PDE1A: variants seen among roughly 807,000 people sequenced by gnomAD.
The protein encoded by PDE1A is phosphodiesterase 1A, also known as dual specificity calcium/calmodulin-dependent 3',5'-cyclic nucleotide phosphodiesterase 1A.
Under a neutral mutation model 61.7 loss-of-function variants are expected in PDE1A, and 35 were observed. The observed-to-expected ratio is 0.57, with a 90% CI of 0.43 to 0.75. The LOEUF (loss-of-function observed/expected upper bound fraction) is 0.75, where lower values mean the gene tolerates loss of function less well. Ranked by LOEUF, PDE1A falls within the 30% of genes least tolerant of loss-of-function variation. The probability of loss-of-function intolerance (pLI) is 0.00; values close to 1 mark genes in which losing one functional copy is unlikely to be tolerated. For synonymous variants in PDE1A, 232 were observed against 213.2 expected (o/e 1.09, Z -0.77); for missense variants, 597 against 630.6 (o/e 0.95, Z 0.57).
chr2:182,522,105 C>T (rs953745254), intron 2 of PDE1A, among the ~76,000 whole-genome samples: 2 of 152,010 alleles, frequency 1.3e-5, no homozygotes, highest in African/African-American at 4.8e-5. Flanking sequence ...TGTGCAAGTA[C>T]AAAAAATCAT....
At chr2:182,711,938 C>T in the PDE1A span, among the ~76,000 whole-genome samples, 1 of 152,140 alleles carries the variant, frequency 6.6e-6, no homozygotes, top group African/African-American at 2.4e-5. Context: ...CAATAAAGGA[C>T]TTATTACAAA....
chr2:182,245,724 T>C (rs997187395), intron 2 of PDE1A, among the ~76,000 whole-genome samples: 1 of 152,176 alleles, frequency 6.6e-6, no homozygotes, highest in African/African-American at 2.4e-5. Flanking sequence ...TTCTATTGTG[T>C]GCATAGATAG....
At chr2:182,557,140 C>CA in the PDE1A span, among the ~76,000 whole-genome samples, 929 of 152,130 alleles carry the variant, frequency 6.1e-3, 13 homozygotes, top group African/African-American at 0.022. Context: ...ACTAAAAATA[C>CA]AAAAATTAGC....
chr2:182,439,366 T>C (rs191220188), intron 2 of PDE1A, among the ~76,000 whole-genome samples: 275 of 152,104 alleles, frequency 1.8e-3, no homozygotes, highest in African/African-American at 6.3e-3. Flanking sequence ...GTGGATGGTC[T>C]TGCTCAGAGA....
At chr2:182,410,529 C>G (rs1345467816) in intron 1 of PDE1A, among the ~76,000 whole-genome samples, 1 of 152,102 alleles carries the variant, frequency 6.6e-6, no homozygotes, top group African/African-American at 2.4e-5. Flanking sequence ...GTGAGAGTCT[C>G]TCTAATGTAC....
the PDE1A span, among the ~76,000 whole-genome samples, chr2:182,661,041 C>A: frequency 1.3e-5 from 2 of 152,172 alleles, no homozygotes; most frequent in African/African-American, 4.8e-5. Flanking sequence ...TTGAAGAAGG[C>A]ATACACAAAA....
chr2:182,404,974 T>C (rs1702221359), intron 1 of PDE1A, among the ~76,000 whole-genome samples: 1 of 152,256 alleles, frequency 6.6e-6, no homozygotes, highest in Non-Finnish European at 1.5e-5. Flanking sequence ...TCAAGTATTA[T>C]GTACTGTACA....
intron 1 of PDE1A, among the ~76,000 whole-genome samples, chr2:182,304,553 T>C (rs1427735827): frequency 2.0e-5 from 3 of 152,210 alleles, no homozygotes; most frequent in Non-Finnish European, 4.4e-5. Context: ...TAATCATTTC[T>C]AGCTTATGAT....
chr2:182,481,744 T>A (rs530856318), intron 2 of PDE1A, among the ~76,000 whole-genome samples: 1 of 152,040 alleles, frequency 6.6e-6, no homozygotes, highest in Admixed American at 6.6e-5. Context: ...TATAGTCCAA[T>A]CTCGTCTCTT....
At chr2:182,273,403 G>A (rs1166419696) in intron 1 of PDE1A, among the ~76,000 whole-genome samples, 2 of 151,630 alleles carry the variant, frequency 1.3e-5, no homozygotes, top group Non-Finnish European at 2.9e-5. Context: ...GTGATGTTGA[G>A]ATACAGTTCT....
intron 13 of PDE1A, among the ~76,000 whole-genome samples, chr2:182,152,866 C>G (rs1209946148): frequency 6.6e-6 from 1 of 152,142 alleles, no homozygotes; most frequent in African/African-American, 2.4e-5. Context: ...AAACAAAATT[C>G]CACTTAATTC....
chr2:182,407,628 G>A (rs1427508777), intron 1 of PDE1A, among the ~76,000 whole-genome samples: 1 of 152,096 alleles, frequency 6.6e-6, no homozygotes. Flanking sequence ...GTGATCCACA[G>A]CCTGGGCCTC....
intron 2 of PDE1A, among the ~76,000 whole-genome samples, chr2:182,510,226 A>AACCAAACATG (rs1242338170): frequency 6.6e-6 from 1 of 152,180 alleles, no homozygotes; most frequent in Admixed American, 6.5e-5. Context: ...AGGAGAAACC[A>AACCAAACATG]ACCAAAGGGT....
chr2:182,358,187 T>C (rs1451298679), intron 1 of PDE1A, among the ~76,000 whole-genome samples: 1 of 152,208 alleles, frequency 6.6e-6, no homozygotes, highest in African/African-American at 2.4e-5. Flanking sequence ...AATGGCTTCA[T>C]AGTGTTCGTA....
chr2:182,454,658 A>G (rs533721040), intron 2 of PDE1A, among the ~76,000 whole-genome samples: 24 of 151,912 alleles, frequency 1.6e-4, no homozygotes, highest in African/African-American at 5.5e-4. Flanking sequence ...GACAAAAACA[A>G]GCAATGGGGA....
chr2:182,381,508 A>G (rs569447935), intron 1 of PDE1A, among the ~76,000 whole-genome samples: 90 of 152,304 alleles, frequency 5.9e-4, no homozygotes, highest in African/African-American at 2.0e-3. Flanking sequence ...CAGAAAGTAC[A>G]AGTTGCTTAT....
chr2:182,591,722 G>A, the PDE1A span, among the ~76,000 whole-genome samples: 1 of 152,196 alleles, frequency 6.6e-6, no homozygotes, highest in East Asian at 1.9e-4. Flanking sequence ...TAAATATTTT[G>A]GGACAGGAGG....
At chr2:182,284,972 A>T (rs1694059217) in intron 1 of PDE1A, among the ~76,000 whole-genome samples, 1 of 152,158 alleles carries the variant, frequency 6.6e-6, no homozygotes, top group South Asian at 2.1e-4. Flanking sequence ...TTGGATAGTT[A>T]GCCATGCACT....
the PDE1A span, among the ~76,000 whole-genome samples, chr2:182,635,348 T>C: frequency 1.2e-4 from 18 of 152,092 alleles, no homozygotes; most frequent in African/African-American, 4.3e-4. Context: ...AACAATTGTT[T>C]ATATATATAA....
Sources: gnomAD v4.1 joint callset for allele counts (sites outside exome capture counted in the v4.1 genomes callset) on GRCh38, gnomAD v4.1.1 for gene constraint, MANE v1.5 for transcripts, NCBI Gene and HGNC (gene_info 2026-07-23, HGNC 2026-07-21) for gene names.